CLRN1: variants seen among roughly 807,000 people sequenced by gnomAD.
CLRN1 encodes clarin-1.
Under a neutral mutation model 18.7 loss-of-function variants are expected in CLRN1, and 15 were observed. The ratio of observed to expected loss-of-function variants is 0.80; its 90% CI spans 0.54 to 1.23. The LOEUF (loss-of-function observed/expected upper bound fraction) is 1.23. Among genes scored for constraint, CLRN1 ranks in the 50% most tolerant of loss-of-function variants. The pLI, the probability that CLRN1 is intolerant of heterozygous loss-of-function variation, is 0.00. For synonymous variants in CLRN1, 104 were observed against 102.9 expected, an observed-to-expected ratio of 1.01 and a Z score of -0.07; for missense variants, 311 against 277.5, an observed-to-expected ratio of 1.12 and a Z score of -0.86.
chr3:150,960,218 T>A (rs1218309212), intron 1 of CLRN1, among the ~76,000 whole-genome samples: 1 of 152,222 alleles, frequency 6.6e-6, no homozygotes, highest in South Asian at 2.1e-4. Context: ...ATCATTTATG[T>A]GGAAGATTGT....
intron 2 of CLRN1, among the ~76,000 whole-genome samples, chr3:150,938,980 G>T (rs1713644664): frequency 6.6e-6 from 1 of 152,216 alleles, no homozygotes; most frequent in Non-Finnish European, 1.5e-5. Flanking sequence ...TGTCAGAACT[G>T]TCAAATAATT....
At chr3:150,945,477 A>G in intron 1 of CLRN1, 1 of 1,282,014 alleles carries the variant, frequency 7.8e-7, no homozygotes, top group Non-Finnish European at 1.0e-6. Flanking sequence ...TTGGGTCAGA[A>G]CAAGCCCTTT....
chr3:150,930,967 A>G (rs1467432550), intron 2 of CLRN1, among the ~76,000 whole-genome samples: 27 of 152,196 alleles, frequency 1.8e-4, no homozygotes. Context: ...GCTGTCTGGT[A>G]GTAGAGAGGA....
chr3:150,950,627 T>G (rs1714433210), intron 1 of CLRN1, among the ~76,000 whole-genome samples: 1 of 152,008 alleles, frequency 6.6e-6, no homozygotes, highest in Non-Finnish European at 1.5e-5. Flanking sequence ...ATTAGAATGG[T>G]TTTTATTAAA....
At chr3:150,942,070 C>G (rs1390474418) in intron 1 of CLRN1, among the ~76,000 whole-genome samples, 1 of 151,252 alleles carries the variant, frequency 6.6e-6, no homozygotes. Context: ...ATTTTAATAA[C>G]CAAGCCTTTA....
rs769104257 is a variant in CLRN1, at chr3:150,927,638, A to G, written c.*298T>C. 4,693 of 546,904 alleles carry G rather than the reference A, an allele frequency of 8.6e-3. 15 individuals carry two copies. The highest frequency in any genetic ancestry group is 0.013 in the Non-Finnish European group (3,662 of 288,946). 33.9% of individuals were successfully genotyped at this position (546,904 alleles called of 1,614,324 possible). A position where few individuals can be genotyped will look rare whatever the true frequency, so the allele number is the denominator to read the frequency against. ...TTTGATAGGAAGACATCTTACACAC[A>G]CACACACACACACACACACACATAT... On this transcript the variant is annotated 3_prime_UTR_variant, in exon 3 of 3. Coordinates refer to ENST00000327047, the MANE Select transcript of CLRN1 (RefSeq NM_174878.3).
chr3:150,943,891 T>G, intron 1 of CLRN1: 1 of 1,614,006 alleles, frequency 6.2e-7, no homozygotes, highest in Non-Finnish European at 8.5e-7. Context: ...GTTCCTGCAC[T>G]CGTTCACTCG....
chr3:150,932,258 G>C (rs568344442), intron 2 of CLRN1, among the ~76,000 whole-genome samples: 1 of 152,098 alleles, frequency 6.6e-6, no homozygotes, highest in Non-Finnish European at 1.5e-5. Flanking sequence ...TACTATATGG[G>C]GAACGTAGGA....
Position 150,972,556 on chromosome 3 carries a change from C to A in CLRN1, c.153G>T (p.Gly51=). Residue 51 remains glycine, a synonymous_variant, in exon 1 of 3, where the codon GGG becomes GGT. Transcript: ENST00000327047. The stretch of plus-strand genomic sequence containing the variant: ...CACCCATAAACTTGTCCAGCTCCTG[C>A]CCTGAGGCATTGACGAGCAGAGCTC... The part of the protein sequence containing the change: ...KTGALLVNAS[G]QELDKFMGEM... 6.2e-7 allele frequency: 1 copy of A among 1,614,088 alleles called. No homozygotes were observed. The highest frequency in any genetic ancestry group is 8.5e-7 in the Non-Finnish European group (1 of 1,179,896).
intron 1 of CLRN1, among the ~76,000 whole-genome samples, chr3:150,953,345 T>G (rs2107970274): frequency 6.6e-6 from 1 of 152,282 alleles, no homozygotes; most frequent in Middle Eastern, 3.4e-3. Flanking sequence ...TCCCTTTCTT[T>G]CATTCTCTTA....
intron 1 of CLRN1, among the ~76,000 whole-genome samples, chr3:150,946,704 CTTTTTTT>C (rs34471891): frequency 1.5e-4 from 17 of 110,732 alleles, no homozygotes; most frequent in African/African-American, 5.1e-4. Flanking sequence ...CAGACCATTT[CTTTTTTT>C]TTTTTTTTTC....
At chr3:150,964,700 G>A (rs1477978516) in intron 1 of CLRN1, among the ~76,000 whole-genome samples, 2 of 152,192 alleles carry the variant, frequency 1.3e-5, no homozygotes, top group African/African-American at 4.8e-5. Flanking sequence ...TGTGGCACAT[G>A]TATACCATAG....
chr3:150,953,141 A>G (rs1714574480), intron 1 of CLRN1, among the ~76,000 whole-genome samples: 1 of 152,170 alleles, frequency 6.6e-6, no homozygotes, highest in Non-Finnish European at 1.5e-5. Context: ...GTTCTTTTAG[A>G]TTTAGGATTA....
intron 2 of CLRN1, among the ~76,000 whole-genome samples, chr3:150,937,610 A>ACCCT (rs111620200): frequency 6.6e-6 from 1 of 151,856 alleles, no homozygotes; most frequent in Non-Finnish European, 1.5e-5. Context: ...TATTACTAAA[A>ACCCT]ACCTTGGGAA....
intron 1 of CLRN1, among the ~76,000 whole-genome samples, chr3:150,967,374 C>G (rs776193608): frequency 2.0e-5 from 3 of 151,960 alleles, no homozygotes; most frequent in Non-Finnish European, 4.4e-5. Context: ...ACATTATTAT[C>G]TTCTATTCCA....
At chr3:150,952,960 C>A (rs1258645510) in intron 1 of CLRN1, among the ~76,000 whole-genome samples, 1 of 152,102 alleles carries the variant, frequency 6.6e-6, no homozygotes, top group Non-Finnish European at 1.5e-5. Context: ...TTCTTTTAAT[C>A]AAAAATCCCC....
intron 2 of CLRN1, among the ~76,000 whole-genome samples, chr3:150,940,314 G>A (rs754635904): frequency 6.6e-6 from 1 of 152,220 alleles, no homozygotes; most frequent in Non-Finnish European, 1.5e-5. Flanking sequence ...TGTGGATGGG[G>A]TGAGACCCTA....
At chr3:150,939,882 T>C (rs543272277) in intron 2 of CLRN1, among the ~76,000 whole-genome samples, 28 of 152,330 alleles carry the variant, frequency 1.8e-4, no homozygotes, top group African/African-American at 6.7e-4. Context: ...ACCCTGAGCC[T>C]GTGCTCTTGG....
At chr3:150,972,288 T>TA (rs1715575063) in intron 1 of CLRN1, among the ~76,000 whole-genome samples, 168 bp downstream of exon 1, 1 of 152,152 alleles carries the variant, frequency 6.6e-6, no homozygotes, top group Non-Finnish European at 1.5e-5. Context: ...TATAAAATAA[T>TA]AAAAACTAGG....
Sources: gnomAD v4.1 joint callset for allele counts (sites outside exome capture counted in the v4.1 genomes callset) on GRCh38, gnomAD v4.1.1 for gene constraint, MANE v1.5 for transcripts, NCBI Gene and HGNC (gene_info 2026-07-23, HGNC 2026-07-21) for gene names.